Variants in MAP2K3 observed in about 807,000 individuals in gnomAD.
MAP2K3 encodes the protein mitogen-activated protein kinase kinase 3, also known as dual specificity mitogen-activated protein kinase kinase 3.
Under a neutral mutation model 46.4 loss-of-function variants are expected in MAP2K3, and 30 were observed. The observed-to-expected ratio is 0.65, with a 90% CI of 0.48 to 0.88. The LOEUF is 0.88. MAP2K3 is among the 40% of genes least tolerant of loss of function. The probability of loss-of-function intolerance (pLI) is 0.00; values close to 1 mark genes in which losing one functional copy is unlikely to be tolerated. For missense variants in MAP2K3, 380 were observed against 464.5 expected (o/e 0.82, Z 1.67); for synonymous variants, 189 against 176.3 (o/e 1.07, Z -0.57).
chr17:21,291,473 T>G (rs72840057), intron 1 of MAP2K3: 2 of 399,110 alleles, frequency 5.0e-6, no homozygotes, highest in Non-Finnish European at 4.9e-6. Context: ...TGCAGGTGGC[T>G]GGCAATGGCC....
At position 21,285,856 on chromosome 17, in the gene MAP2K3, T is replaced by A. The variant is rs1597795460; in HGVS notation, c.49+887T>A. ...TGTGAGGTGGCAGCAGCAGGATTTG[T>A]CATGCGGAGGGGGAAGGATGAAACT... On this transcript the variant is annotated intron_variant, in intron 1 of 11. Transcript: ENST00000342679. Among the ~76,000 whole-genome samples, 3 of 152,132 alleles carry A rather than the reference T, an allele frequency of 2.0e-5. No homozygotes were observed. In the East Asian group the frequency reaches 5.8e-4, roughly 29 times the overall value.
chr17:21,306,834 G>A (rs1245749383), intron 9 of MAP2K3, among the ~76,000 whole-genome samples: 1 of 152,300 alleles, frequency 6.6e-6, no homozygotes, highest in Admixed American at 6.5e-5. Context: ...TGCTCAGGCT[G>A]GAGTGCAGTG....
chr17:21,310,734 G>A (rs746278021), intron 9 of MAP2K3, among the ~76,000 whole-genome samples: 4 of 152,244 alleles, frequency 2.6e-5, no homozygotes, highest in Admixed American at 6.5e-5. Flanking sequence ...CTGGGTCTCC[G>A]CCCCCATGGT....
intron 11 of MAP2K3, chr17:21,313,774 A>G (rs1977279095): frequency 3.4e-6 from 2 of 587,716 alleles, no homozygotes; most frequent in Non-Finnish European, 6.1e-6. Flanking sequence ...AGAATGGGGC[A>G]GAGGGGCCAA....
chr17:21,288,836 G>A (rs1281022353), intron 1 of MAP2K3, among the ~76,000 whole-genome samples: 1 of 152,222 alleles, frequency 6.6e-6, no homozygotes, highest in East Asian at 1.9e-4. Context: ...GAAGCCGGGG[G>A]TCCTGGGCTC....
chr17:21,295,574 T>C (rs1597807609), intron 1 of MAP2K3: 3 of 1,264,258 alleles, frequency 2.4e-6, no homozygotes, highest in Non-Finnish European at 3.1e-6. Flanking sequence ...GGCCTGTTTC[T>C]AGGCTGTCTC....
At chr17:21,313,954 C>T in intron 11 of MAP2K3, 193 bp from the exon 12 acceptor site, 2 of 623,694 alleles carry the variant, frequency 3.2e-6, no homozygotes, top group Non-Finnish European at 2.9e-6. Flanking sequence ...AGAGTGACCA[C>T]AAGAGAGCTG....
At chr17:21,285,085 C>T in intron 1 of MAP2K3, 116 bp downstream of exon 1, 1 of 1,419,644 alleles carries the variant, frequency 7.0e-7, no homozygotes, top group South Asian at 1.3e-5. Flanking sequence ...GCAGCGGCGT[C>T]CGGTCCCGGA....
intron 1 of MAP2K3, chr17:21,291,680 GATCTGACCCCTTTTGT>G (rs1975948509): frequency 2.3e-6 from 1 of 431,560 alleles, no homozygotes; most frequent in South Asian, 1.6e-5. Flanking sequence ...GAGTCCCACC[GATCTGACCCCTTTTGT>G]GCTGGGGATT....
At chr17:21,299,352 C>T (rs1414739108) in intron 3 of MAP2K3, among the ~76,000 whole-genome samples, 1 of 152,310 alleles carries the variant, frequency 6.6e-6, no homozygotes, top group Non-Finnish European at 1.5e-5. Context: ...AATCCTGGCT[C>T]AGGGACCGTG....
chr17:21,300,948 C>A lies in MAP2K3; in HGVS notation c.354C>A (p.Val118=). The A allele has an allele frequency of 6.2e-7, 1 of 1,614,260 alleles. No individual in the cohort carries two copies. The highest frequency in any genetic ancestry group is 1.3e-5 in the African/African-American group (1 of 75,088). ...ACCTGGACATCAACATGCGCACGGT[C>A]GACTGTTTCTACACTGTCACCTTCT... is the stretch of plus-strand genomic sequence containing the variant. ...LMDLDINMRT[V]DCFYTVTFYG... The change falls in exon 5 of 12, where the codon GTC becomes GTA. Residue 118 remains valine (V), a synonymous_variant. Coordinates refer to ENST00000342679, the MANE Select transcript of MAP2K3 (RefSeq NM_145109.3).
intron 1 of MAP2K3, among the ~76,000 whole-genome samples, chr17:21,288,566 C>G (rs1036149764): frequency 1.2e-4 from 19 of 152,250 alleles, no homozygotes; most frequent in African/African-American, 4.6e-4. Context: ...AACCCCAGCT[C>G]TGTCCCTTTT....
At chr17:21,290,258 A>C (rs929448909) in intron 1 of MAP2K3, among the ~76,000 whole-genome samples, 10 of 152,112 alleles carry the variant, frequency 6.6e-5, no homozygotes, top group Admixed American at 6.5e-4. Context: ...TGGCGGTGTC[A>C]GTTGGCAGCT....
chr17:21,313,907 C>T, intron 11 of MAP2K3: 1 of 588,046 alleles, frequency 1.7e-6, no homozygotes, highest in Non-Finnish European at 3.0e-6. Context: ...GGGCAGAGGC[C>T]TGACGTGTGG....
At chr17:21,308,589 A>G (rs1977013666) in intron 9 of MAP2K3, among the ~76,000 whole-genome samples, 1 of 152,274 alleles carries the variant, frequency 6.6e-6, no homozygotes, top group Non-Finnish European at 1.5e-5. Context: ...AATTGGTGAC[A>G]TGTAATTTTT....
intron 1 of MAP2K3, chr17:21,285,198 C>T (rs1301372511): frequency 1.0e-6 from 1 of 976,194 alleles, no homozygotes; most frequent in Non-Finnish European, 1.2e-6. Context: ...ATCACCCAGG[C>T]TGGACCCAGA....
Position 21,291,901 on chromosome 17 carries a change from G to T in MAP2K3, c.50-6512G>T, listed in dbSNP as rs1233399932. Among the ~76,000 whole-genome samples the T allele has an allele frequency of 1.1e-4, 17 of 152,420 alleles. No homozygotes were observed. The East Asian group carries it at 3.1e-3, about 28-fold the overall frequency. ...TGCTCATCCTTTCCCAGAGGTCATG[G>T]CCCCTTCACCCGTTCATAGGACGTC... On this transcript the variant is annotated intron_variant, in intron 1 of 11. Coordinates refer to ENST00000342679, the MANE Select transcript of MAP2K3 (RefSeq NM_145109.3).
chr17:21,298,688 AG>A (rs1976409125), intron 2 of MAP2K3, among the ~76,000 whole-genome samples, 189 bp from the exon 3 acceptor site: 1 of 152,312 alleles, frequency 6.6e-6, no homozygotes, highest in Non-Finnish European at 1.5e-5. Flanking sequence ...CCTGTCTTGG[AG>A]GCTCGATGAG....
chr17:21,296,148 AAC>A (rs1976235676), intron 1 of MAP2K3: 4 of 1,289,480 alleles, frequency 3.1e-6, no homozygotes, highest in Non-Finnish European at 4.0e-6. Flanking sequence ...CTGCGCAGTG[AAC>A]CCTGTGCTGA....
Sources: allele counts gnomAD v4.1 joint callset (sites outside exome capture counted in the v4.1 genomes callset), GRCh38; gene constraint gnomAD v4.1.1; transcripts MANE v1.5; gene names NCBI Gene and HGNC (gene_info 2026-07-23, HGNC 2026-07-21).